DLG5: variants seen among roughly 807,000 people sequenced by gnomAD.
DLG5 encodes the protein discs large MAGUK scaffold protein 5.
In DLG5, 48 loss-of-function variants were observed where a neutral mutation model predicts 189.8. The observed-to-expected ratio is 0.25, with a 90% CI of 0.20 to 0.32. The LOEUF is 0.32. DLG5 is among the 10% of genes least tolerant of loss of function. The probability of loss-of-function intolerance (pLI) is 1.00; values close to 1 mark genes in which losing one functional copy is unlikely to be tolerated. For missense variants in DLG5, 2,160 were observed against 2,544.7 expected, an observed-to-expected ratio of 0.85 and a Z score of 3.25; for synonymous variants, 1,016 against 1,054.1, an observed-to-expected ratio of 0.96 and a Z score of 0.70.
chr10:77,918,024 A>G (rs1311548804), intron 1 of DLG5, among the ~76,000 whole-genome samples: 1 of 151,842 alleles, frequency 6.6e-6, no homozygotes, highest in Non-Finnish European at 1.5e-5. Flanking sequence ...GTCTCAAAAA[A>G]AAAAACAAAA....
chr10:77,856,849 G>A lies in DLG5; in HGVS notation c.417C>T (p.Asp139=), dbSNP rs1050632268. 3 of 1,612,448 alleles carry A rather than the reference G, an allele frequency of 1.9e-6. No homozygotes were observed. The highest frequency in any genetic ancestry group is 1.7e-5 in the Admixed American group (1 of 59,998). ...KAPSPPPLLT[D]QQVNEKVENL... ...TCTCCACCTTCTCATTCACTTGCTGGTCAGTGAGGAGGGGTGGTGGGGACG... is the reference window on the plus strand; with the variant it reads ...TCTCCACCTTCTCATTCACTTGCTGATCAGTGAGGAGGGGTGGTGGGGACG... Residue 139 remains aspartate, a synonymous_variant, in exon 3 of 32, where the codon GAC becomes GAT. Transcript: ENST00000372391.
At chr10:77,836,060 C>T in intron 7 of DLG5, 138 bp from the exon 8 acceptor site, 1 of 841,972 alleles carries the variant, frequency 1.2e-6, no homozygotes, top group Non-Finnish European at 1.8e-6. Context: ...CGCAGCACAC[C>T]CCATACCCCC....
rs949598449 is a variant in DLG5 at position 77,821,531 on chromosome 10, G to T, written c.2953C>A (p.Pro985Thr). Residue 985 changes from proline (P) to threonine (T), a missense_variant, in exon 15 of 32, where the codon CCC becomes ACC. Coordinates refer to ENST00000372391, the MANE Select transcript of DLG5 (RefSeq NM_004747.4). ...GGAAGCAGGTAGTCTATTTTGGGGGGTGTCTGGGGGCGTTTGAAAGTGTTA... is the reference window on the plus strand; with the variant it reads ...GGAAGCAGGTAGTCTATTTTGGGGGTTGTCTGGGGGCGTTTGAAAGTGTTA... Reference protein sequence around the residue: ...DPNTFKRPQTPPKIDYLLPGP... With the variant: ...DPNTFKRPQTTPKIDYLLPGP... 1.2e-6 allele frequency: 2 copies of T among 1,612,838 alleles called. No individual in the cohort carries two copies. The highest frequency in any genetic ancestry group is 1.3e-5 in the African/African-American group (1 of 75,032).
At chr10:77,807,201 C>G (rs1024748496) in intron 25 of DLG5, among the ~76,000 whole-genome samples, 1 of 152,150 alleles carries the variant, frequency 6.6e-6, no homozygotes, top group Non-Finnish European at 1.5e-5. Flanking sequence ...TTCCAGGTGG[C>G]CTTTCCCAGT....
At chr10:77,906,332 G>T (rs892382424) in intron 1 of DLG5, among the ~76,000 whole-genome samples, 1 of 152,238 alleles carries the variant, frequency 6.6e-6, no homozygotes, top group African/African-American at 2.4e-5. Context: ...GCTCAAGGTT[G>T]TGTTCCAGTA....
intron 1 of DLG5, among the ~76,000 whole-genome samples, chr10:77,896,029 G>A (rs893073824): frequency 2.6e-5 from 4 of 151,984 alleles, no homozygotes; most frequent in Non-Finnish European, 1.5e-5. Context: ...GCGTGGTGAT[G>A]CACGCCTGTA....
At chr10:77,873,030 T>TGTGTGTGTGC (rs139841331) in intron 1 of DLG5, among the ~76,000 whole-genome samples, 1 of 105,446 alleles carries the variant, frequency 9.5e-6, no homozygotes, top group African/African-American at 3.6e-5. Context: ...TGTGTGTGTG[T>TGTGTGTGTGC]GCACACACAC....
At chr10:77,901,937 C>T (rs1845939749) in intron 1 of DLG5, among the ~76,000 whole-genome samples, 1 of 152,218 alleles carries the variant, frequency 6.6e-6, no homozygotes, top group Non-Finnish European at 1.5e-5. Flanking sequence ...AAGAGAAATA[C>T]TCACTCGTAT....
At chr10:77,893,280 G>A (rs1216811135) in intron 1 of DLG5, among the ~76,000 whole-genome samples, 1 of 152,218 alleles carries the variant, frequency 6.6e-6, no homozygotes, top group Non-Finnish European at 1.5e-5. Flanking sequence ...AATACACAAT[G>A]TATACTTAAG....
chr10:77,792,621 C>T (rs746334522), intron 31 of DLG5, 78 bp from the exon 32 acceptor site: 2 of 1,307,072 alleles, frequency 1.5e-6, no homozygotes, highest in Non-Finnish European at 2.2e-6. Context: ...ACAGCTTGCA[C>T]TCTTTCTACT....
chr10:77,809,452 G>T, intron 24 of DLG5, 95 bp downstream of exon 24: 3 of 1,357,746 alleles, frequency 2.2e-6, no homozygotes, highest in Non-Finnish European at 3.0e-6. Context: ...CAGATGAGAG[G>T]CTGTACTCCT....
At chr10:77,794,222 G>A in intron 30 of DLG5, 105 bp from the exon 31 acceptor site, 1 of 926,520 alleles carries the variant, frequency 1.1e-6, no homozygotes, top group Admixed American at 1.9e-5. Context: ...GGGGTAGGCT[G>A]TGGAGGGAGG....
intron 9 of DLG5, among the ~76,000 whole-genome samples, chr10:77,831,321 T>A (rs977844146): frequency 4.6e-5 from 7 of 151,864 alleles, no homozygotes; most frequent in Admixed American, 1.3e-4. Flanking sequence ...ATTACTTGAA[T>A]CAGGGAGGCA....
chr10:77,835,575 A>C (rs1843086649), intron 8 of DLG5, among the ~76,000 whole-genome samples, 163 bp downstream of exon 8: 1 of 152,142 alleles, frequency 6.6e-6, no homozygotes, highest in Admixed American at 6.5e-5. Context: ...TAAAACTAAG[A>C]GGCAAGGCTA....
chr10:77,872,141 T>G (rs1345795247), intron 1 of DLG5, among the ~76,000 whole-genome samples: 1 of 152,226 alleles, frequency 6.6e-6, no homozygotes, highest in Non-Finnish European at 1.5e-5. Flanking sequence ...GAAATCTCTA[T>G]GCTCAACCCA....
intron 1 of DLG5, among the ~76,000 whole-genome samples, chr10:77,871,474 T>A (rs2154577120): frequency 6.6e-6 from 1 of 152,118 alleles, no homozygotes; most frequent in African/African-American, 2.4e-5. Context: ...CCCACACTAT[T>A]AGTTTTGCTG....
intron 1 of DLG5, among the ~76,000 whole-genome samples, chr10:77,880,037 G>C (rs970712412): frequency 6.6e-5 from 10 of 152,168 alleles, no homozygotes; most frequent in African/African-American, 2.4e-4. Context: ...AGACAGCAAG[G>C]GCAGTGGAGA....
At chr10:77,860,221 C>A (rs1452289585) in intron 2 of DLG5, among the ~76,000 whole-genome samples, 1 of 152,232 alleles carries the variant, frequency 6.6e-6, no homozygotes, top group African/African-American at 2.4e-5. Flanking sequence ...TGCACTTCAC[C>A]CTCATGCCTC....
the DLG5 span, among the ~76,000 whole-genome samples, chr10:77,938,491 A>T: frequency 3.3e-5 from 5 of 152,144 alleles, no homozygotes. Flanking sequence ...AGGAAGGGAG[A>T]GGAGATTACT....
Sources: gnomAD v4.1 joint callset for allele counts (sites outside exome capture counted in the v4.1 genomes callset) on GRCh38, gnomAD v4.1.1 for gene constraint, MANE v1.5 for transcripts, NCBI Gene and HGNC (gene_info 2026-07-23, HGNC 2026-07-21) for gene names.